The following ARL17B variants were observed in gnomAD, a reference collection of about 807,000 sequenced individuals.
ARL17B encodes ADP-ribosylation factor-like protein 17.
chr17:46,340,739 A>C, intron 3 of ARL17B, among the ~76,000 whole-genome samples: 1 of 72,066 alleles, frequency 1.4e-5, no homozygotes. Flanking sequence ...AAACAGTTTC[A>C]CCATGTTGGC....
At chr17:46,283,692 C>G (rs1451304587) in intron 4 of ARL17B, among the ~76,000 whole-genome samples, 4 of 137,020 alleles carry the variant, frequency 2.9e-5, no homozygotes, top group Admixed American at 1.5e-4. Context: ...GAAAAAGACA[C>G]AGAGACAAAG....
At chr17:46,277,537 T>G (rs1250342984) in intron 4 of ARL17B, among the ~76,000 whole-genome samples, 7 of 152,230 alleles carry the variant, frequency 4.6e-5, no homozygotes, top group Admixed American at 6.5e-5. Context: ...TAATGAGAAG[T>G]TGTGCTCCTC....
At chr17:46,289,102 A>G (rs541430454) in intron 4 of ARL17B, among the ~76,000 whole-genome samples, 1 of 152,354 alleles carries the variant, frequency 6.6e-6, no homozygotes, top group Admixed American at 6.5e-5. Flanking sequence ...AAAGCAAACT[A>G]TATTACCCTA....
At chr17:46,282,576 G>A (rs1479960500) in intron 4 of ARL17B, among the ~76,000 whole-genome samples, 3 of 151,422 alleles carry the variant, frequency 2.0e-5, no homozygotes, top group African/African-American at 4.9e-5. Context: ...CACCAAGCCT[G>A]GTTAATTTTT....
chr17:46,287,815 G>A (rs2950677), intron 4 of ARL17B, among the ~76,000 whole-genome samples: 18,633 of 152,112 alleles, frequency 0.12, 1 homozygote, highest in Non-Finnish European at 0.18. Context: ...TTGGCAAGGC[G>A]GAGCTGTGTA....
At chr17:46,277,637 T>TTTTCTTTTCTTTTC (rs1555610945) in intron 4 of ARL17B, among the ~76,000 whole-genome samples, 43 of 150,362 alleles carry the variant, frequency 2.9e-4, no homozygotes, top group Admixed American at 4.6e-4. Context: ...TTTTCTTTTC[T>TTTTCTTTTCTTTTC]TTTCTTTCTT....
chr17:46,340,388 G>T (rs1170965393), intron 3 of ARL17B, among the ~76,000 whole-genome samples: 10 of 52,582 alleles, frequency 1.9e-4, no homozygotes, highest in South Asian at 1.6e-3. Flanking sequence ...GCTAATTTTT[G>T]TATTTTTAGT....
At chr17:46,281,704 T>C (rs1238633321) in intron 4 of ARL17B, among the ~76,000 whole-genome samples, 1 of 151,886 alleles carries the variant, frequency 6.6e-6, no homozygotes, top group Non-Finnish European at 1.5e-5. Flanking sequence ...AGTGCAGTGG[T>C]GTGATCTTGG....
intron 4 of ARL17B, among the ~76,000 whole-genome samples, chr17:46,280,323 C>T (rs2049726988): frequency 6.6e-6 from 1 of 152,122 alleles, no homozygotes. Context: ...GAGATTGCAC[C>T]ACTGCACTCC....
Position 46,277,803 on chromosome 17 carries a change from C to T in ARL17B, c.*22-2385G>A, listed in dbSNP as rs139815144. On this transcript the variant is annotated intron_variant, in intron 4 of 4. Coordinates refer to the ARL17B transcript ENST00000570618. Reference sequence around the variant, plus strand: ...CTGGGATTACAGGTGCCCACCCTTACGCCTAGCTAATTTTTGTATTTTTAG... The same window carrying T: ...CTGGGATTACAGGTGCCCACCCTTATGCCTAGCTAATTTTTGTATTTTTAG... 4.2e-3 allele frequency among the ~76,000 whole-genome samples: 631 copies of T among 151,794 alleles called. 3 individuals carry two copies. The highest frequency in any genetic ancestry group is 6.9e-3 in the Middle Eastern group (2 of 290).
chr17:46,276,715 A>C (rs1213196140), intron 4 of ARL17B, among the ~76,000 whole-genome samples: 3 of 152,216 alleles, frequency 2.0e-5, no homozygotes, highest in African/African-American at 4.8e-5. Flanking sequence ...TCTGGAAAGC[A>C]ATAGAAATTC....
intron 4 of ARL17B, among the ~76,000 whole-genome samples, chr17:46,282,049 C>T (rs542459043): frequency 6.6e-6 from 1 of 152,132 alleles, no homozygotes; most frequent in South Asian, 2.1e-4. Flanking sequence ...AATTCCTTTG[C>T]TGAGAATAAA....
At chr17:46,286,588 A>C (rs1373458448) in intron 4 of ARL17B, among the ~76,000 whole-genome samples, 2 of 152,314 alleles carry the variant, frequency 1.3e-5, no homozygotes, top group Admixed American at 6.5e-5. Flanking sequence ...ATTTTCCCCA[A>C]TGTGTCTCAA....
At chr17:46,353,139 A>T (rs945722743) in intron 2 of ARL17B, among the ~76,000 whole-genome samples, 1 of 150,732 alleles carries the variant, frequency 6.6e-6, no homozygotes, top group Non-Finnish European at 1.5e-5. Context: ...CTAGCCACGC[A>T]CCTGCCCTTT....
chr17:46,278,460 A>T (rs1405928215), intron 4 of ARL17B, among the ~76,000 whole-genome samples: 1 of 150,722 alleles, frequency 6.6e-6, no homozygotes, highest in Non-Finnish European at 1.5e-5. Flanking sequence ...GCTAGAGTGC[A>T]GTGGTGTGAT....
chr17:46,279,509 T>A (rs2049700040), intron 4 of ARL17B, among the ~76,000 whole-genome samples: 1 of 149,916 alleles, frequency 6.7e-6, no homozygotes, highest in Admixed American at 6.6e-5. Context: ...TCTTTTTTTT[T>A]TTTTTTTTTT....
In ARL17B at chr17:46,279,489, T is replaced by A. The variant is rs1221603323; in HGVS notation, c.*22-4071A>T. Among the ~76,000 whole-genome samples the A allele has an allele frequency of 1.1e-4, 16 of 139,976 alleles. No homozygotes were observed. In the Admixed American group the frequency reaches 1.2e-3, roughly 10 times the overall value. The allele number at this position is 139,976 out of a possible 152,430, so 91.8% of individuals were successfully genotyped here. A position where few individuals can be genotyped will look rare whatever the true frequency, so the allele number is the denominator to read the frequency against. ...ATGAGCCACCGCACCTGGCCTTTTTTTTCTTTCTTTCTTTTTTTTTTTTTT... is the reference window on the plus strand; with the variant it reads ...ATGAGCCACCGCACCTGGCCTTTTTATTCTTTCTTTCTTTTTTTTTTTTTT... On this transcript the variant is annotated intron_variant, in intron 4 of 4. Coordinates refer to the ARL17B transcript ENST00000570618.
chr17:46,281,250 G>A (rs893975279), intron 4 of ARL17B, among the ~76,000 whole-genome samples: 4 of 151,972 alleles, frequency 2.6e-5, no homozygotes, highest in African/African-American at 9.7e-5. Context: ...TAGAGTGCAG[G>A]GGCTTTAATT....
At chr17:46,281,357 T>C (rs993269544) in intron 4 of ARL17B, among the ~76,000 whole-genome samples, 2 of 151,942 alleles carry the variant, frequency 1.3e-5, no homozygotes, top group African/African-American at 4.8e-5. Context: ...TAAAGTCCCG[T>C]GACTCGCATC....
Sources: gnomAD v4.1 joint callset for allele counts (sites outside exome capture counted in the v4.1 genomes callset) on GRCh38, gnomAD v4.1.1 for gene constraint, MANE v1.5 for transcripts, NCBI Gene and HGNC (gene_info 2026-07-23, HGNC 2026-07-21) for gene names.